The following LRRC4C variants were observed in gnomAD, a reference collection of about 807,000 sequenced individuals.
The protein encoded by LRRC4C is leucine-rich repeat-containing protein 4C.
LRRC4C carries 5 observed loss-of-function variants against 33.6 expected under a neutral mutation model. That is an observed-to-expected ratio of 0.15 (90% CI 0.08 to 0.31). The LOEUF is 0.31. Ranked by LOEUF, LRRC4C falls within the 10% of genes least tolerant of loss-of-function variation. The pLI is 1.00. For missense variants in LRRC4C, 560 were observed against 796.7 expected, an observed-to-expected ratio of 0.70 and a Z score of 3.58; for synonymous variants, 329 against 302.0, an observed-to-expected ratio of 1.09 and a Z score of -0.93.
At chr11:40,952,032 A>ATT (rs112835154) in intron 1 of LRRC4C, among the ~76,000 whole-genome samples, 9 of 149,948 alleles carry the variant, frequency 6.0e-5, no homozygotes, top group Admixed American at 4.7e-4. Context: ...GAAATATTAG[A>ATT]TTTTTTTTTT....
chr11:41,173,035 T>A (rs1053612683), intron 1 of LRRC4C, among the ~76,000 whole-genome samples: 5 of 151,946 alleles, frequency 3.3e-5, no homozygotes, highest in Non-Finnish European at 7.4e-5. Context: ...ACCAATAGAG[T>A]TTCTAAAAAA....
At chr11:40,237,900 G>A (rs1188250246) in intron 5 of LRRC4C, among the ~76,000 whole-genome samples, 1 of 152,120 alleles carries the variant, frequency 6.6e-6, no homozygotes, top group Non-Finnish European at 1.5e-5. Context: ...CAAATGAGAA[G>A]GGCTGCAAAG....
At chr11:40,440,709 G>C (rs1252518622) in intron 3 of LRRC4C, among the ~76,000 whole-genome samples, 1 of 152,100 alleles carries the variant, frequency 6.6e-6, no homozygotes, top group Non-Finnish European at 1.5e-5. Flanking sequence ...TATAGCTCTT[G>C]TGGTGATCTG....
chr11:40,926,822 A>G (rs557520061), intron 2 of LRRC4C, among the ~76,000 whole-genome samples: 1 of 152,218 alleles, frequency 6.6e-6, no homozygotes, highest in Non-Finnish European at 1.5e-5. Flanking sequence ...AACAAGAATA[A>G]TATTTTCAAT....
chr11:40,299,348 T>C (rs1268326093), intron 4 of LRRC4C, among the ~76,000 whole-genome samples: 1 of 152,212 alleles, frequency 6.6e-6, no homozygotes, highest in African/African-American at 2.4e-5. Flanking sequence ...TCTTTATTAC[T>C]TTAGAGAGAC....
At chr11:40,139,383 A>G (rs1232421811) in intron 6 of LRRC4C, among the ~76,000 whole-genome samples, 1 of 152,220 alleles carries the variant, frequency 6.6e-6, no homozygotes, top group Non-Finnish European at 1.5e-5. Context: ...TAGGGACAAT[A>G]CTATCATCAT....
chr11:40,563,204 G>A (rs1957620848), intron 3 of LRRC4C, among the ~76,000 whole-genome samples: 1 of 152,148 alleles, frequency 6.6e-6, no homozygotes, highest in Admixed American at 6.5e-5. Context: ...ACATAGCAAG[G>A]ACATAGACTG....
intron 3 of LRRC4C, among the ~76,000 whole-genome samples, chr11:40,565,294 G>T (rs1957711141): frequency 6.6e-6 from 1 of 152,078 alleles, no homozygotes; most frequent in African/African-American, 2.4e-5. Context: ...GTGCCCCTCA[G>T]GTCTCCCTTC....
intron 3 of LRRC4C, among the ~76,000 whole-genome samples, chr11:40,510,188 T>A (rs1299183288): frequency 1.3e-5 from 2 of 148,952 alleles, no homozygotes; most frequent in Non-Finnish European, 3.0e-5. Flanking sequence ...ATATCATATC[T>A]ATGTGTATAT....
chr11:40,878,896 C>A (rs1457210496), intron 2 of LRRC4C, among the ~76,000 whole-genome samples: 1 of 152,112 alleles, frequency 6.6e-6, no homozygotes, highest in Non-Finnish European at 1.5e-5. Flanking sequence ...TCTCATTTTT[C>A]AATCTTGGAA....
At chr11:40,177,983 G>A (rs918007595) in intron 5 of LRRC4C, among the ~76,000 whole-genome samples, 2 of 152,214 alleles carry the variant, frequency 1.3e-5, no homozygotes, top group African/African-American at 2.4e-5. Flanking sequence ...AACAGTAGGA[G>A]GTGCATATGG....
At chr11:41,104,230 T>G (rs190516884) in intron 1 of LRRC4C, among the ~76,000 whole-genome samples, 6 of 151,862 alleles carry the variant, frequency 4.0e-5, no homozygotes, top group Non-Finnish European at 8.8e-5. Context: ...TCCAAAAACG[T>G]AAATAACCAT....
At chr11:41,102,257 C>T (rs1434110203) in intron 1 of LRRC4C, among the ~76,000 whole-genome samples, 2 of 152,040 alleles carry the variant, frequency 1.3e-5, no homozygotes, top group Non-Finnish European at 2.9e-5. Flanking sequence ...AATGTTTATT[C>T]CACTTATTGC....
intron 1 of LRRC4C, among the ~76,000 whole-genome samples, chr11:40,953,731 G>A (rs1958826411): frequency 6.6e-6 from 1 of 151,806 alleles, no homozygotes; most frequent in African/African-American, 2.4e-5. Flanking sequence ...GGGTAGCGAA[G>A]GTTCAGGTGA....
chr11:41,071,763 C>T lies in LRRC4C; in HGVS notation c.-495-138040G>A, dbSNP rs74540467. Reference sequence around the variant, plus strand: ...CTACCATAGATAGTACTTCCTGTGACGGATCTGGGCAAAGTAAATTGAAAA... The same window carrying T: ...CTACCATAGATAGTACTTCCTGTGATGGATCTGGGCAAAGTAAATTGAAAA... On this transcript the variant is annotated intron_variant, in intron 1 of 6. Transcript: ENST00000528697. Among the ~76,000 whole-genome samples the T allele has an allele frequency of 2.0e-4, 30 of 152,236 alleles. No individual in the cohort carries two copies. The East Asian group carries it at 4.2e-3, about 22-fold the overall frequency.
chr11:41,414,373 G>GAGCT (rs1374224912), intron 1 of LRRC4C, among the ~76,000 whole-genome samples: 3 of 152,110 alleles, frequency 2.0e-5, no homozygotes, highest in Admixed American at 2.0e-4. Flanking sequence ...ACGTGAAAGA[G>GAGCT]AGCTCTCTTT....
chr11:40,201,864 C>A (rs1460093365), intron 5 of LRRC4C, among the ~76,000 whole-genome samples: 1 of 152,158 alleles, frequency 6.6e-6, no homozygotes, highest in Non-Finnish European at 1.5e-5. Context: ...TTCCAGGCAA[C>A]AAATGCCACC....
intron 1 of LRRC4C, among the ~76,000 whole-genome samples, chr11:41,124,510 C>A (rs1477296304): frequency 1.3e-5 from 2 of 152,190 alleles, no homozygotes; most frequent in African/African-American, 4.8e-5. Flanking sequence ...CAAAGCCAGG[C>A]ATACAGGCCT....
At chr11:41,060,811 A>G (rs1937703156) in intron 1 of LRRC4C, among the ~76,000 whole-genome samples, 1 of 152,206 alleles carries the variant, frequency 6.6e-6, no homozygotes, top group Non-Finnish European at 1.5e-5. Flanking sequence ...TTTAAGCCAG[A>G]CAAATTAGAG....
Sources: gnomAD v4.1 joint callset for allele counts (sites outside exome capture counted in the v4.1 genomes callset) on GRCh38, gnomAD v4.1.1 for gene constraint, MANE v1.5 for transcripts, NCBI Gene and HGNC (gene_info 2026-07-23, HGNC 2026-07-21) for gene names.